ATXN7: variants seen among roughly 807,000 people sequenced by gnomAD.
ATXN7 encodes ataxin 7.
ATXN7 carries 12 observed loss-of-function variants against 70.5 expected under a neutral mutation model. The observed-to-expected ratio is 0.17, with a 90% CI of 0.11 to 0.28. ATXN7 has a LOEUF of 0.28. Ranked by LOEUF, ATXN7 falls within the 10% of genes least tolerant of loss-of-function variation. The probability of loss-of-function intolerance (pLI) is 1.00; values close to 1 mark genes in which losing one functional copy is unlikely to be tolerated. For missense variants in ATXN7, 1,256 were observed against 1,131.7 expected (o/e 1.11, Z -1.58); for synonymous variants, 498 against 448.7 (o/e 1.11, Z -1.39).
intron 4 of ATXN7, among the ~76,000 whole-genome samples, chr3:63,936,203 C>T (rs1432629786): frequency 6.6e-6 from 1 of 152,288 alleles, no homozygotes; most frequent in East Asian, 1.9e-4. Context: ...GCAAGTCTCT[C>T]AAACTATAAG....
At chr3:63,903,668 T>C (rs1211994635) in intron 2 of ATXN7, 1 of 152,156 alleles carries the variant, frequency 6.6e-6, no homozygotes, top group Non-Finnish European at 1.5e-5. Flanking sequence ...CTTCATAAGC[T>C]GATGAGGTAG....
rs147032165 is a variant in ATXN7 at position 63,973,086 on chromosome 3, G to A, written c.500-6829G>A. Among the ~76,000 whole-genome samples the A allele has an allele frequency of 8.6e-3, 1,316 of 152,288 alleles. 6 individuals carry two copies. Among genetic ancestry groups the A allele is most frequent in the Non-Finnish European group, 0.015 (1,027 of 68,014 alleles). On this transcript the variant is annotated intron_variant, in intron 5 of 12. Coordinates refer to ENST00000674280, the MANE Select transcript of ATXN7 (RefSeq NM_001377405.1). ...CAAAGTAGGCTTGGCAACTGAAGAC[G>A]CTGCCAACGAGGATGGAGTGAGCTG...
chr3:63,919,581 A>T (rs1302967068), intron 4 of ATXN7, among the ~76,000 whole-genome samples: 3 of 152,132 alleles, frequency 2.0e-5, no homozygotes, highest in African/African-American at 7.2e-5. Context: ...GTCTTTGTCC[A>T]CTTTTATCAT....
At chr3:63,865,364 T>C (rs1300774006) in intron 1 of ATXN7, 2 of 152,218 alleles carry the variant, frequency 1.3e-5, no homozygotes, top group Non-Finnish European at 2.9e-5. Context: ...TTCTGAGATG[T>C]GACTTGCTCT....
chr3:63,941,800 G>T (rs570974232), intron 4 of ATXN7, among the ~76,000 whole-genome samples: 1 of 152,234 alleles, frequency 6.6e-6, no homozygotes, highest in South Asian at 2.1e-4. Flanking sequence ...GAATCTGGGA[G>T]TTGTGCTTAT....
intron 5 of ATXN7, among the ~76,000 whole-genome samples, chr3:63,952,711 G>T (rs2074974690): frequency 6.6e-6 from 1 of 151,676 alleles, no homozygotes; most frequent in Admixed American, 6.6e-5. Context: ...AGAAAGTATA[G>T]TTTATAAAAT....
chr3:63,994,623 C>T (rs976720924), intron 11 of ATXN7, among the ~76,000 whole-genome samples: 1 of 152,210 alleles, frequency 6.6e-6, no homozygotes, highest in Non-Finnish European at 1.5e-5. Context: ...CTGGAAATCA[C>T]CTGGGCAGCA....
intron 1 of ATXN7, among the ~76,000 whole-genome samples, chr3:63,893,613 G>T (rs1037152888): frequency 1.3e-5 from 2 of 152,212 alleles, no homozygotes; most frequent in African/African-American, 4.8e-5. Flanking sequence ...TCTACGAAGT[G>T]TTGAGAAAGC....
At chr3:63,879,594 C>G (rs369737420) in intron 1 of ATXN7, among the ~76,000 whole-genome samples, 1 of 150,976 alleles carries the variant, frequency 6.6e-6, no homozygotes, top group African/African-American at 2.4e-5. Context: ...TGGGTTCAAG[C>G]GATTCTCCTG....
At chr3:63,898,112 A>G (rs1173772425) in intron 1 of ATXN7, among the ~76,000 whole-genome samples, 1 of 152,192 alleles carries the variant, frequency 6.6e-6, no homozygotes, top group African/African-American at 2.4e-5. Context: ...GAAACTCATT[A>G]GTGCAAATTA....
chr3:63,979,143 T>A (rs1380076165), intron 5 of ATXN7, among the ~76,000 whole-genome samples: 7 of 152,264 alleles, frequency 4.6e-5, no homozygotes, highest in Non-Finnish European at 1.5e-5. Flanking sequence ...AAAACCTGAT[T>A]CTCCAGTGGA....
At chr3:63,959,932 CAG>C (rs1325591033) in intron 5 of ATXN7, among the ~76,000 whole-genome samples, 1 of 152,150 alleles carries the variant, frequency 6.6e-6, no homozygotes, top group African/African-American at 2.4e-5. Flanking sequence ...GGTAGGAAAA[CAG>C]TGTCTATGAT....
At chr3:63,900,536 G>T (rs1284998346) in intron 2 of ATXN7, 2 of 152,286 alleles carry the variant, frequency 1.3e-5, no homozygotes. Context: ...GTTGAATGTT[G>T]TTCATTGTAT....
chr3:63,937,414 A>G (rs1245509151), intron 4 of ATXN7, among the ~76,000 whole-genome samples: 1 of 152,170 alleles, frequency 6.6e-6, no homozygotes, highest in Non-Finnish European at 1.5e-5. Flanking sequence ...AAATGAACAT[A>G]TTTGGAACTC....
chr3:63,916,004 A>G (rs1704251074), intron 4 of ATXN7, among the ~76,000 whole-genome samples: 1 of 152,086 alleles, frequency 6.6e-6, no homozygotes, highest in Non-Finnish European at 1.5e-5. Context: ...CTCATCTTGA[A>G]ATATCTCTAG....
At chr3:63,968,729 T>TG (rs1489304795) in intron 5 of ATXN7, among the ~76,000 whole-genome samples, 1 of 152,142 alleles carries the variant, frequency 6.6e-6, no homozygotes, top group East Asian at 1.9e-4. Flanking sequence ...GCTAAGCTGA[T>TG]TCTTGGGTGG....
chr3:63,914,137 C>T (rs1704167659), intron 4 of ATXN7, among the ~76,000 whole-genome samples: 1 of 152,186 alleles, frequency 6.6e-6, no homozygotes, highest in Admixed American at 6.5e-5. Context: ...TTTTATTTCT[C>T]ACTCGTAGCC....
chr3:63,952,041 C>G (rs1027105236), intron 4 of ATXN7, among the ~76,000 whole-genome samples: 1 of 152,204 alleles, frequency 6.6e-6, no homozygotes. Context: ...GATGGTACAG[C>G]TTTGTGAACT....
intron 1 of ATXN7, among the ~76,000 whole-genome samples, chr3:63,874,794 G>A (rs116708435): frequency 0.012 from 1,800 of 152,288 alleles, 33 homozygotes; most frequent in African/African-American, 0.032. Context: ...TTGTAGTGAC[G>A]TTGGTGTGTG....
Sources: gnomAD v4.1 joint callset for allele counts (sites outside exome capture counted in the v4.1 genomes callset) on GRCh38, gnomAD v4.1.1 for gene constraint, MANE v1.5 for transcripts, NCBI Gene and HGNC (gene_info 2026-07-23, HGNC 2026-07-21) for gene names.